The following NEB variants were observed in gnomAD, a reference collection of about 807,000 sequenced individuals.
NEB encodes nebulin, also known as nemaline myopathy type 2.
NEB carries 512 observed loss-of-function variants against 952.2 expected under a neutral mutation model. The ratio of observed to expected loss-of-function variants is 0.54; its 90% CI spans 0.50 to 0.58. The LOEUF (loss-of-function observed/expected upper bound fraction) is 0.58. Among genes scored for constraint, NEB ranks in the 20% least tolerant of loss-of-function variants. The probability of loss-of-function intolerance (pLI) is 0.00; values close to 1 mark genes in which losing one functional copy is unlikely to be tolerated. For synonymous variants in NEB, 2,900 were observed against 3,149.8 expected (o/e 0.92, Z 2.66); for missense variants, 8,428 against 9,231.1 (o/e 0.91, Z 3.56).
At chr2:151,722,291 C>T (rs577843590) in intron 9 of NEB, among the ~76,000 whole-genome samples, 4 of 152,240 alleles carry the variant, frequency 2.6e-5, no homozygotes, top group Non-Finnish European at 4.4e-5. Flanking sequence ...AAGAAAGTAC[C>T]TCAAAATAAG....
intron 131 of NEB, 144 bp from the exon 132 acceptor site, chr2:151,547,882 G>A: frequency 1.6e-6 from 1 of 638,838 alleles, no homozygotes; most frequent in Non-Finnish European, 2.7e-6. Context: ...AGGAAAAAAG[G>A]AGAAAATGAG....
intron 66 of NEB, 66 bp downstream of exon 66, chr2:151,631,077 A>G (rs1261276483): frequency 1.9e-6 from 3 of 1,585,220 alleles, no homozygotes; most frequent in Non-Finnish European, 2.6e-6. Flanking sequence ...TTTAGACTCC[A>G]TTAGTCATTA....
At position 151,545,944 on chromosome 2, in the gene NEB, C is replaced by A; in HGVS notation, c.20521G>T (p.Val6841Leu). Reference sequence around the variant, plus strand: ...TTTCTGTATTCTGGAGTGTCAAGCACCACTTTGTATTTGTCTCGCATCTTC... The same window carrying A: ...TTTCTGTATTCTGGAGTGTCAAGCAACACTTTGTATTTGTCTCGCATCTTC... ...ARKMRDKYKV[V>L]LDTPEYRKVQ... is the part of the protein sequence containing the mutation. The change falls in exon 135 of 182, where the codon GTG becomes TTG. Residue 6841 changes from valine (V) to leucine (L), a missense_variant. Val to Leu is a conservative substitution (Grantham distance 32). This residue lies in a region of NEB where 3,374 missense variants were observed against 3,651.5 expected (regional missense o/e 0.92). Coordinates refer to ENST00000397345, the MANE Select transcript of NEB (RefSeq NM_001164508.2). 6.2e-7 allele frequency: 1 copy of A among 1,610,538 alleles called. No individual in the cohort carries two copies. Among genetic ancestry groups the A allele is most frequent in the Non-Finnish European group, 8.5e-7 (1 of 1,178,922 alleles).
rs1471092285 is a variant in NEB, at chr2:151,617,462, A to T, written c.11083T>A (p.Tyr3695Asn). 6.8e-7 allele frequency: 1 copy of T among 1,464,414 alleles called. No individual in the cohort carries two copies. The highest frequency in any genetic ancestry group is 9.1e-7 in the Non-Finnish European group (1 of 1,093,936). 90.7% of individuals were successfully genotyped at this position (1,464,414 alleles called of 1,614,324 possible). A position where few individuals can be genotyped will look rare whatever the true frequency, so the allele number is the denominator to read the frequency against. The change falls in exon 75 of 182, where the codon TAT becomes AAT. Residue 3695 changes from tyrosine (Y) to asparagine (N), a missense_variant. Transcript: ENST00000397345. ...NNALNMNKRL[Y>N]TEAWDNDKKT... is the part of the protein sequence containing the mutation. ...TTGTCATTGTCCCAGGCTTCAGTAT[A>T]TAAGCGCTACAAAAAAAAAAAAAAA... is the stretch of plus-strand genomic sequence containing the variant.
chr2:151,552,729 A>G lies in NEB; in HGVS notation c.19779T>C (p.Leu6593=), dbSNP rs757862428. The G allele has an allele frequency of 6.2e-7, 1 of 1,613,478 alleles. No individual in the cohort carries two copies. The change falls in exon 128 of 182, where the codon CTT becomes CTC. Residue 6593 remains leucine, a synonymous_variant. Coordinates refer to ENST00000397345, the MANE Select transcript of NEB (RefSeq NM_001164508.2). ...GCACGTAGACTGGTGTATCTGTGAC[A>G]AGCTTGTAGTCATTCCTTGTTTTCA... is the stretch of plus-strand genomic sequence containing the variant. ...HMLKTRNDYK[L]VTDTPVYVQA... is the part of the protein sequence containing the mutation.
intron 114 of NEB, 66 bp downstream of exon 114, chr2:151,567,102 A>G (rs1445387405): frequency 7.4e-7 from 1 of 1,352,978 alleles, no homozygotes; most frequent in Non-Finnish European, 1.0e-6. Flanking sequence ...TGGATCTGGG[A>G]TGTTGCTCAT....
chr2:151,708,246 T>A (rs1312522255), intron 12 of NEB, among the ~76,000 whole-genome samples: 1 of 152,248 alleles, frequency 6.6e-6, no homozygotes, highest in Non-Finnish European at 1.5e-5. Flanking sequence ...CAGTTTTTCA[T>A]TAGCTACTTG....
chr2:151,731,560 T>C (rs145339817), intron 3 of NEB, among the ~76,000 whole-genome samples: 2 of 152,336 alleles, frequency 1.3e-5, no homozygotes, highest in African/African-American at 4.8e-5. Flanking sequence ...CTCAGTTCAA[T>C]ACTTTCTGGC....
chr2:151,674,936 T>C (rs1023847485), intron 35 of NEB, among the ~76,000 whole-genome samples: 3 of 152,188 alleles, frequency 2.0e-5, no homozygotes, highest in Non-Finnish European at 4.4e-5. Context: ...GGTGGTCAGC[T>C]TTAGAAATTT....
chr2:151,631,429 T>C, intron 65 of NEB, 83 bp from the exon 66 acceptor site: 1 of 1,404,546 alleles, frequency 7.1e-7, no homozygotes. Context: ...AGTAATAAAG[T>C]GCAATTCTGT....
At chr2:151,609,712 G>A (rs2097872342) in intron 81 of NEB, 97 bp downstream of exon 81, 2 of 1,222,694 alleles carry the variant, frequency 1.6e-6, no homozygotes, top group East Asian at 2.4e-5. Flanking sequence ...GGTTTGTGCA[G>A]TGCACAGCCC....
rs1235832133 is a variant in NEB at position 151,633,700 on chromosome 2, T to C, written c.9368A>G (p.Gln3123Arg). 16 of 1,613,826 alleles carry C rather than the reference T, an allele frequency of 9.9e-6. No individual in the cohort carries two copies. The highest frequency in any genetic ancestry group is 2.2e-5 in the East Asian group (1 of 44,884). The change falls in exon 65 of 182, where the codon CAG (glutamine) becomes CGG (arginine). Residue 3123 changes from glutamine to arginine, a missense_variant. This residue lies in a region of NEB where 1,772 missense variants were observed against 1,960.3 expected (regional missense o/e 0.90). Coordinates refer to ENST00000397345, the MANE Select transcript of NEB (RefSeq NM_001164508.2). ...YLHEWTCLPD[Q>R]SDVIHARQAY... is the part of the protein sequence containing the mutation. The stretch of plus-strand genomic sequence containing the variant: ...CTGCCGAGCATGGATGACATCGCTC[T>C]GGTCAGGCAGGCATGTCCACTCGTG...
chr2:151,510,415 C>T (rs910935323), intron 161 of NEB, among the ~76,000 whole-genome samples: 1 of 152,234 alleles, frequency 6.6e-6, no homozygotes, highest in South Asian at 2.1e-4. Flanking sequence ...TCTAACTTAA[C>T]CATTCATTTA....
intron 124 of NEB, among the ~76,000 whole-genome samples, chr2:151,556,498 GTC>G (rs2153676243): frequency 6.6e-6 from 1 of 152,278 alleles, no homozygotes; most frequent in South Asian, 2.1e-4. Context: ...AAGAGATAAA[GTC>G]TCTAATTTTT....
At position 151,538,196 on chromosome 2, in the gene NEB, C is replaced by T. The variant is rs374961597; in HGVS notation, c.20941G>A (p.Val6981Met). ...FQKTKGKYHT[V>M]KDALDIVYHR... ...TAGACAATGTCTAGGGCATCTTTCA[C>T]CGTGTGGTATTTCCCTTTGGTCTTT... The change falls in exon 139 of 182, where the codon GTG becomes ATG. Residue 6981 changes from valine to methionine, a missense_variant. Around this residue, in one of 11 missense-constraint regions of NEB, gnomAD observed 3,374 missense variants for 3,651.5 expected, o/e 0.92. Coordinates refer to ENST00000397345, the MANE Select transcript of NEB (RefSeq NM_001164508.2). 43 of 1,613,234 alleles carry T rather than the reference C, an allele frequency of 2.7e-5. No homozygotes were observed. The African/African-American group carries it at 5.3e-4, about 20-fold the overall frequency.
At chr2:151,524,816 C>T (rs756253354) in intron 151 of NEB, among the ~76,000 whole-genome samples, 200 bp from the exon 152 acceptor site, 3 of 151,668 alleles carry the variant, frequency 2.0e-5, no homozygotes, top group Non-Finnish European at 2.9e-5. Flanking sequence ...TGCAGGTGTG[C>T]ACCACCATGC....
intron 173 of NEB, chr2:151,495,331 G>A (rs1414152022): frequency 6.6e-6 from 1 of 152,218 alleles, no homozygotes; most frequent in Non-Finnish European, 1.5e-5. Context: ...AGCAAGGTCA[G>A]TAATGAGAAC....
Position 151,485,649 on chromosome 2 carries a change from A to C in NEB, c.*111T>G. 3 of 1,069,948 alleles carry C rather than the reference A, an allele frequency of 2.8e-6. No individual in the cohort carries two copies. The highest frequency in any genetic ancestry group is 4.8e-5 in the East Asian group (2 of 41,374). 66.3% of individuals were successfully genotyped at this position (1,069,948 alleles called of 1,614,324 possible). On this transcript the variant is annotated 3_prime_UTR_variant, in exon 182 of 182. Coordinates refer to ENST00000397345, the MANE Select transcript of NEB (RefSeq NM_001164508.2). ...TGGTACTACCATAAATCACATTGAC[A>C]CAGAAAAACCATAGGCAGCTTGAGA...
chr2:151,499,673 C>T (rs2062946096), intron 168 of NEB: 1 of 287,104 alleles, frequency 3.5e-6, no homozygotes, highest in African/African-American at 2.3e-5. Context: ...TTTCCTAAGA[C>T]CACTAAAATA....
Sources: allele counts gnomAD v4.1 joint callset (sites outside exome capture counted in the v4.1 genomes callset), GRCh38; gene constraint gnomAD v4.1.1; regional missense constraint gnomAD v4.1.1; transcripts MANE v1.5; gene names NCBI Gene and HGNC (gene_info 2026-07-23, HGNC 2026-07-21).